The following PLA2G7 variants were observed in gnomAD, a reference collection of about 807,000 sequenced individuals.
PLA2G7 encodes phospholipase A2 group VII.
PLA2G7 carries 63 observed loss-of-function variants against 49.6 expected under a neutral mutation model. The ratio of observed to expected loss-of-function variants is 1.27; its 90% CI spans 1.04 to 1.57. PLA2G7 has a LOEUF of 1.57. Among genes scored for constraint, PLA2G7 ranks in the 40% most tolerant of loss-of-function variants. The pLI is 0.00. For missense variants in PLA2G7, 596 were observed against 521.2 expected, an observed-to-expected ratio of 1.14 and a Z score of -1.40; for synonymous variants, 193 against 169.9, an observed-to-expected ratio of 1.14 and a Z score of -1.06.
At chr6:46,719,995 A>C (rs1429769494) in intron 2 of PLA2G7, among the ~76,000 whole-genome samples, 1 of 152,216 alleles carries the variant, frequency 6.6e-6, no homozygotes, top group Non-Finnish European at 1.5e-5. Context: ...CCATTAAAAG[A>C]GTATCTACTG....
rs1764966142 is a variant in PLA2G7, at chr6:46,710,257, A to G, written c.777+288T>C. ...GCTTAAAAACATGCAGGAGCTGTCCATGAAATAATAATACTTCCACAGGAG... is the reference window on the plus strand; with the variant it reads ...GCTTAAAAACATGCAGGAGCTGTCCGTGAAATAATAATACTTCCACAGGAG... On this transcript the variant is annotated intron_variant, in intron 8 of 11. Transcript: ENST00000274793. 2.6e-5 allele frequency among the ~76,000 whole-genome samples: 4 copies of G among 152,340 alleles called. No individual in the cohort carries two copies. In the South Asian group the frequency reaches 8.3e-4, roughly 32 times the overall value.
chr6:46,710,728 G>A, intron 7 of PLA2G7, 70 bp from the exon 8 acceptor site: 1 of 1,235,110 alleles, frequency 8.1e-7, no homozygotes, highest in Non-Finnish European at 1.2e-6. Context: ...AGTTTAGGTA[G>A]AAGCTGTATT....
chr6:46,718,465 C>T (rs1320579991), intron 2 of PLA2G7, among the ~76,000 whole-genome samples: 3 of 152,194 alleles, frequency 2.0e-5, no homozygotes, highest in Non-Finnish European at 1.5e-5. Flanking sequence ...CTGGGCACTG[C>T]AAAGAAACCC....
chr6:46,714,923 TGGGG>T (rs1765155634), intron 4 of PLA2G7, among the ~76,000 whole-genome samples: 1 of 151,730 alleles, frequency 6.6e-6, no homozygotes, highest in African/African-American at 2.4e-5. Context: ...TTAGTAGAGA[TGGGG>T]TTTCTCCATG....
intron 1 of PLA2G7, among the ~76,000 whole-genome samples, chr6:46,729,698 G>T (rs1765675480): frequency 1.3e-5 from 2 of 152,304 alleles, no homozygotes; most frequent in South Asian, 4.1e-4. Flanking sequence ...GGGCTGATAA[G>T]TCTTGGCTGT....
intron 5 of PLA2G7, among the ~76,000 whole-genome samples, chr6:46,713,307 T>C (rs1414379070): frequency 6.6e-6 from 1 of 152,148 alleles, no homozygotes; most frequent in East Asian, 1.9e-4. Context: ...GGGGGAATGA[T>C]ATAGCACAGG....
chr6:46,708,115 C>A lies in PLA2G7; in HGVS notation c.916G>T (p.Val306Leu). 9 of 1,611,328 alleles carry A rather than the reference C, an allele frequency of 5.6e-6. No individual in the cohort carries two copies. The highest frequency in any genetic ancestry group is 6.8e-6 in the Non-Finnish European group (8 of 1,177,620). ...DAWMFPLGDEVYSRIPQPLFF... is the reference protein window; with the variant it reads ...DAWMFPLGDELYSRIPQPLFF... Reference sequence around the variant, plus strand: ...AGGGGCTGAGGAATTCTGGAATATACTTCATCACCCAGTGGAAACATCCAT... The same window carrying A: ...AGGGGCTGAGGAATTCTGGAATATAATTCATCACCCAGTGGAAACATCCAT... The change falls in exon 10 of 12, where the codon GTA (valine) becomes TTA (leucine). Residue 306 changes from valine (V) to leucine (L), a missense_variant. Coordinates refer to ENST00000274793, the MANE Select transcript of PLA2G7 (RefSeq NM_005084.4).
chr6:46,704,538 T>A lies in PLA2G7; in HGVS notation c.*22A>T, dbSNP rs1449485073. On this transcript the variant is annotated 3_prime_UTR_variant, in exon 12 of 12. Transcript: ENST00000274793. ...ATTTTAGACAGTTTTGAAACAAGAC[T>A]TTTAAAAAACCTATTTTAATCCTAA... 28 of 1,434,542 alleles carry A rather than the reference T, an allele frequency of 2.0e-5. No individual in the cohort carries two copies. Among genetic ancestry groups the A allele is most frequent in the Non-Finnish European group, 2.5e-5 (26 of 1,023,292 alleles). 88.9% of individuals were successfully genotyped at this position (1,434,542 alleles called of 1,614,324 possible). A position where few individuals can be genotyped will look rare whatever the true frequency, so the allele number is the denominator to read the frequency against.
At chr6:46,721,483 G>T (rs959683380) in intron 2 of PLA2G7, among the ~76,000 whole-genome samples, 2 of 151,916 alleles carry the variant, frequency 1.3e-5, no homozygotes, top group African/African-American at 4.8e-5. Context: ...AAGACAAAGG[G>T]ATTTTAAAAA....
At chr6:46,730,393 A>T (rs1298906673) in intron 1 of PLA2G7, among the ~76,000 whole-genome samples, 1 of 152,212 alleles carries the variant, frequency 6.6e-6, no homozygotes, top group Non-Finnish European at 1.5e-5. Flanking sequence ...ACCAGCAGGG[A>T]TACTGGAATA....
At chr6:46,722,658 T>G in intron 2 of PLA2G7, 125 bp downstream of exon 2, 1 of 700,594 alleles carries the variant, frequency 1.4e-6, no homozygotes, top group Non-Finnish European at 2.6e-6. Context: ...TCCAGGAGAA[T>G]ACAGGATCTC....
In PLA2G7 at chr6:46,708,209, G is replaced by A. The variant is rs200770637; in HGVS notation, c.870-48C>T. ...ATGAAATTAAACTGGTTACATACTA[G>A]CCAACATTGAGGACATCCTAATAAT... On this transcript the variant is annotated intron_variant, in intron 9 of 11. Transcript: ENST00000274793. The A allele has an allele frequency of 1.8e-5, 25 of 1,396,760 alleles. No homozygotes were observed. In the Admixed American group the frequency reaches 3.4e-4, roughly 19 times the overall value. 86.5% of individuals were successfully genotyped at this position (1,396,760 alleles called of 1,614,324 possible). A position where few individuals can be genotyped will look rare whatever the true frequency, so the allele number is the denominator to read the frequency against.
chr6:46,723,909 TC>T (rs1765486131), intron 1 of PLA2G7, among the ~76,000 whole-genome samples: 1 of 152,114 alleles, frequency 6.6e-6, no homozygotes, highest in South Asian at 2.1e-4. Flanking sequence ...TCCCAATCCT[TC>T]CCCTAGCCCC....
At chr6:46,714,739 T>G (rs536279692) in intron 4 of PLA2G7, among the ~76,000 whole-genome samples, 186 bp from the exon 5 acceptor site, 49 of 146,974 alleles carry the variant, frequency 3.3e-4, no homozygotes, top group African/African-American at 1.0e-3. Context: ...ACTGTAAGTT[T>G]TTTTTTTTTT....
chr6:46,728,923 C>T (rs1201802597), intron 1 of PLA2G7, among the ~76,000 whole-genome samples: 1 of 152,236 alleles, frequency 6.6e-6, no homozygotes, highest in Non-Finnish European at 1.5e-5. Flanking sequence ...GAATCTGCTA[C>T]TTACTAGTTT....
chr6:46,714,902 AT>A (rs1765155197), intron 4 of PLA2G7, among the ~76,000 whole-genome samples: 1 of 151,584 alleles, frequency 6.6e-6, no homozygotes, highest in Admixed American at 6.6e-5. Context: ...CGCCTGGCTA[AT>A]TTTATATTTT....
In PLA2G7 at chr6:46,717,009, C is replaced by A; in HGVS notation, c.197G>T (p.Gly66Val). 6.2e-7 allele frequency: 1 copy of A among 1,613,672 alleles called. No homozygotes were observed. The highest frequency in any genetic ancestry group is 1.3e-5 in the African/African-American group (1 of 75,012). The change falls in exon 3 of 12, where the codon GGT becomes GTT. Residue 66 changes from glycine (G) to valine (V), a missense_variant. Transcript: ENST00000274793. ...GTGATCAAACATTAAGTCTGTACAA[C>A]CAACGGAATAAGGCCCATTTCCCCG... ...IPRGNGPYSVGCTDLMFDHTN... is the reference protein window; with the variant it reads ...IPRGNGPYSVVCTDLMFDHTN...
In PLA2G7 at chr6:46,709,388, T is replaced by C. The variant is rs1764935882; in HGVS notation, c.808A>G (p.Ile270Val). 6.2e-7 allele frequency: 1 copy of C among 1,605,106 alleles called. No homozygotes were observed. The highest frequency in any genetic ancestry group is 1.7e-5 in the Admixed American group (1 of 59,980). The part of the protein sequence containing the change: ...DSIDREKIAV[I>V]GHSFGGATVI... ...GTTGCTCCACCAAAAGAATGTCCAA[T>C]TACTGCTATTTTTTCCCTATCAATA... The change falls in exon 9 of 12, where the codon ATT becomes GTT. Residue 270 changes from isoleucine to valine, a missense_variant. Coordinates refer to ENST00000274793, the MANE Select transcript of PLA2G7 (RefSeq NM_005084.4).
intron 1 of PLA2G7, among the ~76,000 whole-genome samples, chr6:46,725,704 T>C (rs1452732910): frequency 6.6e-6 from 1 of 152,200 alleles, no homozygotes; most frequent in African/African-American, 2.4e-5. Context: ...TAATACATGA[T>C]TTCAAAAATC....
Sources: gnomAD v4.1 joint callset for allele counts (sites outside exome capture counted in the v4.1 genomes callset) on GRCh38, gnomAD v4.1.1 for gene constraint, MANE v1.5 for transcripts, NCBI Gene and HGNC (gene_info 2026-07-23, HGNC 2026-07-21) for gene names.